CES4A: variants seen among roughly 807,000 people sequenced by gnomAD.
CES4A encodes carboxylesterase 6.
Under a neutral mutation model 65.4 loss-of-function variants are expected in CES4A, and 48 were observed. The ratio of observed to expected loss-of-function variants is 0.73; its 90% confidence interval spans 0.58 to 0.93. CES4A has a LOEUF of 0.93. Among genes scored for constraint, CES4A ranks in the 40% least tolerant of loss-of-function variants. CES4A has a pLI of 0.00. For missense variants in CES4A, 685 were observed against 728.5 expected (o/e 0.94, Z 0.69); for synonymous variants, 247 against 281.8 (o/e 0.88, Z 1.24).
At chr16:66,995,729 G>C in exon 2 of CES4A, 1 of 1,614,212 alleles carries the variant, frequency 6.2e-7, no homozygotes, top group Non-Finnish European at 8.5e-7. Flanking sequence ...CTTTTTAGGA[G>C]TCCCCTTCTC....
At position 67,006,803 on chromosome 16, in the gene CES4A, CTT is replaced by C. The variant is rs1454436705; in HGVS notation, c.1505_1506del (p.Phe502CysfsTer8). 1 of 1,613,998 alleles carries C rather than the reference CTT, an allele frequency of 6.2e-7. No individual in the cohort carries two copies. The highest frequency in any genetic ancestry group is 8.5e-7 in the Non-Finnish European group (1 of 1,180,012). ...TCCAGATGATGAAATACTGGGCCAA[CTT>C]TGCCCGCACAGGGTGAGTCTGCCCC... On this transcript the variant is annotated frameshift_variant, in exon 13 of 14. Coordinates refer to ENST00000648724, the Ensembl canonical transcript of CES4A. LOFTEE classifies it low-confidence loss of function (END_TRUNC).
chr16:67,003,555 T>A lies in CES4A; in HGVS notation c.939+2T>A. On this transcript the variant is annotated splice_donor_variant, in intron 8 of 13. Coordinates refer to ENST00000648724, the Ensembl canonical transcript of CES4A. LOFTEE classifies it high-confidence loss of function. This position sits in a 1 kb window ranked among gnomAD's most constrained non-coding sequence, Gnocchi z 4.2. ...AACTTCCAGAGAGACCCGGAAGAGGTAAACAGGCCACATTCTGCAATTTGA... is the reference window on the plus strand; with the variant it reads ...AACTTCCAGAGAGACCCGGAAGAGGAAAACAGGCCACATTCTGCAATTTGA... The A allele has an allele frequency of 6.2e-7, 1 of 1,610,926 alleles. No individual in the cohort carries two copies. Among genetic ancestry groups the A allele is most frequent in the Non-Finnish European group, 8.5e-7 (1 of 1,177,168 alleles).
rs893794520 is a variant in CES4A at position 67,001,666 on chromosome 16, G to A, written c.690+205G>A. 6.6e-6 allele frequency among the ~76,000 whole-genome samples: 1 copy of A among 152,252 alleles called. No individual in the cohort carries two copies. The highest frequency in any genetic ancestry group is 1.5e-5 in the Non-Finnish European group (1 of 68,042). ...GGGATAGCACTGATGAGAAAACTGAGCCCCAGGAAGGGTAGTGCTGAGGCT... is the reference window on the plus strand; with the variant it reads ...GGGATAGCACTGATGAGAAAACTGAACCCCAGGAAGGGTAGTGCTGAGGCT... On this transcript the variant is annotated intron_variant, in intron 5 of 13. Transcript: ENST00000648724. This position sits in a 1 kb window ranked among gnomAD's most constrained non-coding sequence, Gnocchi z 4.1.
rs372460441 is a variant in CES4A, at chr16:67,009,526, GT to G, written c.*385del. The stretch of plus-strand genomic sequence containing the variant: ...GTCGACCCAGACTGCCACTGCCCCT[GT>G]CACTGCACCCAGCTTGGCATTTACC... On this transcript the variant is annotated 3_prime_UTR_variant, in exon 14 of 14. Transcript: ENST00000648724. The G allele has an allele frequency of 3.5e-5, 6 of 172,166 alleles. No individual in the cohort carries two copies. The East Asian group carries it at 9.8e-4, about 28-fold the overall frequency. 10.7% of individuals were successfully genotyped at this position (172,166 alleles called of 1,614,324 possible).
At chr16:67,004,118 T>A (rs3859072) in exon 9 of CES4A, 1 of 1,614,174 alleles carries the variant, frequency 6.2e-7, no homozygotes, top group Non-Finnish European at 8.5e-7. Flanking sequence ...GTGGATGGTG[T>A]GGTGATCCCA....
intron 13 of CES4A, 116 bp downstream of exon 13, chr16:67,006,933 C>A: frequency 2.2e-6 from 2 of 904,198 alleles, no homozygotes; most frequent in Non-Finnish European, 3.4e-6. Flanking sequence ...CCAGTCGGCC[C>A]AAACAGGGTG....
downstream of CES4A, chr16:67,009,887 G>A (rs1455591200): frequency 5.3e-5 from 8 of 152,184 alleles, no homozygotes; most frequent in African/African-American, 1.7e-4. Context: ...GTTGCCTGGG[G>A]TACAAAACAC....
exon 9 of CES4A, chr16:67,004,192 A>C: frequency 1.2e-6 from 2 of 1,614,180 alleles, no homozygotes; most frequent in Non-Finnish European, 1.7e-6. Context: ...TCTAGGTGTC[A>C]ACAACCTGGA....
intron 13 of CES4A, chr16:67,008,504 T>C: frequency 6.4e-6 from 1 of 156,236 alleles, no homozygotes; most frequent in Non-Finnish European, 1.4e-5. Flanking sequence ...AGGTTCATGC[T>C]ATTCTCCTGC....
At chr16:67,008,323 T>C (rs1201726251) in intron 13 of CES4A, 1 of 152,290 alleles carries the variant, frequency 6.6e-6, no homozygotes, top group Non-Finnish European at 1.5e-5. Context: ...TCCTCAACCT[T>C]GCGTGAAAGG....
intron 13 of CES4A, 48 bp downstream of exon 13, chr16:67,006,865 G>A (rs780922533): frequency 5.0e-5 from 79 of 1,565,260 alleles, no homozygotes; most frequent in Non-Finnish European, 6.6e-5. Flanking sequence ...GCCCAGTGCT[G>A]GACCTGAAGA....
chr16:66,997,589 T>A (rs936578581), intron 2 of CES4A, among the ~76,000 whole-genome samples: 1 of 152,158 alleles, frequency 6.6e-6, no homozygotes, highest in Non-Finnish European at 1.5e-5. Flanking sequence ...TGATAATGAC[T>A]AGTTTTTGGC....
At chr16:67,006,907 G>A in intron 13 of CES4A, 90 bp downstream of exon 13, 1 of 1,287,882 alleles carries the variant, frequency 7.8e-7, no homozygotes, top group Non-Finnish European at 1.1e-6. Context: ...GCCCCAGCAT[G>A]TCCTACAGGA....
At chr16:66,994,220 A>T (rs976399698) in intron 1 of CES4A, among the ~76,000 whole-genome samples, 3 of 147,370 alleles carry the variant, frequency 2.0e-5, no homozygotes, top group Non-Finnish European at 4.5e-5. Flanking sequence ...ATAAATTTTT[A>T]TTTATTTATT....
At position 67,000,819 on chromosome 16, in the gene CES4A, C is replaced by G; in HGVS notation, c.403-38C>G. The stretch of plus-strand genomic sequence containing the variant: ...TCCCGCGCCCGCGGTCCCACCGCCG[C>G]CCACCGCCCCGCTCAGATCCCGGCC... On this transcript the variant is annotated intron_variant, in intron 3 of 13. Transcript: ENST00000648724. This position sits in a 1 kb window ranked among gnomAD's most constrained non-coding sequence, Gnocchi z 4.2. 1.3e-6 allele frequency: 2 copies of G among 1,554,486 alleles called. No individual in the cohort carries two copies. The highest frequency in any genetic ancestry group is 1.7e-6 in the Non-Finnish European group (2 of 1,148,262).
Position 67,000,421 on chromosome 16 carries a change from GGCA to G in CES4A, c.261-215_261-213del, listed in dbSNP as rs1489088639. The G allele has an allele frequency of 5.9e-6, 8 of 1,366,854 alleles. No individual in the cohort carries two copies. In the Admixed American group the frequency reaches 1.3e-4, roughly 22 times the overall value. The allele number at this position is 1,366,854 out of a possible 1,614,324, so 84.7% of individuals were successfully genotyped here. On this transcript the variant is annotated intron_variant, in intron 2 of 13. Coordinates refer to ENST00000648724, the Ensembl canonical transcript of CES4A. This position sits in a 1 kb window ranked among gnomAD's most constrained non-coding sequence, Gnocchi z 4.2. ...AATCTCTCCACGGACTGAGGCGCCG[GGCA>G]GGGAGGGGATGGTTCCTGAGAGGCC...
chr16:66,989,624 G>A lies in CES4A; in HGVS notation c.58+794G>A, dbSNP rs144265030. On this transcript the variant is annotated intron_variant, in intron 1 of 13. Coordinates refer to ENST00000648724, the Ensembl canonical transcript of CES4A. ...TGTAATCCCAGCACTTTGGGAGGCC[G>A]AAGCGGGCAGATCACCTGAGGTCAG... 5.8e-3 allele frequency among the ~76,000 whole-genome samples: 884 copies of A among 152,028 alleles called. 10 individuals carry two copies. Among genetic ancestry groups the A allele is most frequent in the Non-Finnish European group, 7.5e-3 (511 of 67,978 alleles).
intron 10 of CES4A, 178 bp downstream of exon 10, chr16:67,005,051 C>A: frequency 1.3e-6 from 1 of 745,076 alleles, no homozygotes; most frequent in Non-Finnish European, 2.2e-6. Context: ...CTCAGGGTCA[C>A]AGGGGCAGTT....
Position 67,001,108 on chromosome 16 carries a change from C to CGGGGGGGGGGGGGG in CES4A, c.536+122_536+123insGGGGGGGGGGGGGG, listed in dbSNP as rs1965299639. Reference sequence around the variant, plus strand: ...GGGGGGTGGGGCCGCGAGGCGGGGGCGGGGCCTGGCGCTCGGTGGAAGGGG... The same window carrying CGGGGGGGGGGGGGG: ...GGGGGGTGGGGCCGCGAGGCGGGGGCGGGGGGGGGGGGGGGGGGCCTGGCGCTCGGTGGAAGGGG... On this transcript the variant is annotated intron_variant, in intron 4 of 13. Coordinates refer to ENST00000648724, the Ensembl canonical transcript of CES4A. The surrounding 1 kb of genome is among the most constrained non-coding windows in gnomAD (Gnocchi z 4.1). The CGGGGGGGGGGGGGG allele has an allele frequency of 2.9e-6, 1 of 350,710 alleles. No individual in the cohort carries two copies. Among genetic ancestry groups the CGGGGGGGGGGGGGG allele is most frequent in the Admixed American group, 5.9e-5 (1 of 16,926 alleles). The allele number at this position is 350,710 out of a possible 1,614,324, so 21.7% of individuals were successfully genotyped here. A position where few individuals can be genotyped will look rare whatever the true frequency, so the allele number is the denominator to read the frequency against.
Sources: gnomAD v4.1 joint callset for allele counts (sites outside exome capture counted in the v4.1 genomes callset) on GRCh38, gnomAD v4.1.1 for gene constraint, Gnocchi (gnomAD v3.1) non-coding constraint, MANE v1.5 for transcripts, NCBI Gene and HGNC (gene_info 2026-07-23, HGNC 2026-07-21) for gene names.